Variants in ZNF208 observed in about 807,000 individuals in gnomAD.
ZNF208 encodes zinc finger protein 95.
Under a neutral mutation model 12.1 loss-of-function variants are expected in ZNF208, and 10 were observed. The observed-to-expected ratio is 0.83, with a 90% CI of 0.51 to 1.40. The LOEUF (loss-of-function observed/expected upper bound fraction) is 1.40, where lower values mean the gene tolerates loss of function less well. Among genes scored for constraint, ZNF208 ranks in the 40% most tolerant of loss-of-function variants. ZNF208 has a pLI of 0.00. For synonymous variants in ZNF208, 497 were observed against 488.4 expected (o/e 1.02, Z -0.23); for missense variants, 1,652 against 1,485.0 (o/e 1.11, Z -1.85).
rs1327391460 is a variant in ZNF208 at position 21,967,990 on chromosome 19, G to A, written c.*3201C>T. 6.6e-6 allele frequency: 1 copy of A among 151,922 alleles called. No individual in the cohort carries two copies. Among genetic ancestry groups the A allele is most frequent in the African/African-American group, 2.4e-5 (1 of 41,382 alleles). 9.4% of individuals were successfully genotyped at this position (151,922 alleles called of 1,614,324 possible). ...AATGTATTTCTAGGTATTTTTTTGT[G>A]TGTTTGTTGCTATTGTAAATAGAGC... On this transcript the variant is annotated 3_prime_UTR_variant, in exon 4 of 4. Transcript: ENST00000397126.
At chr19:21,981,261 G>T (rs1392011543) in intron 3 of ZNF208, among the ~76,000 whole-genome samples, 1 of 151,992 alleles carries the variant, frequency 6.6e-6, no homozygotes, top group Non-Finnish European at 1.5e-5. Flanking sequence ...AACAAAAAAA[G>T]AAAATTTCAG....
rs1055552612 is a variant in ZNF208 at position 21,968,830 on chromosome 19, A to T, written c.*2361T>A. On this transcript the variant is annotated 3_prime_UTR_variant, in exon 4 of 4. Transcript: ENST00000397126. ...TGATCCAGGGCTTTTTATGGTTAGTAGGTTTATTATTACTTATACAATGTC... is the reference window on the plus strand; with the variant it reads ...TGATCCAGGGCTTTTTATGGTTAGTTGGTTTATTATTACTTATACAATGTC... Among the ~76,000 whole-genome samples, 7 of 152,054 alleles carry T rather than the reference A, an allele frequency of 4.6e-5. No individual in the cohort carries two copies. Among genetic ancestry groups the T allele is most frequent in the Admixed American group, 1.3e-4 (2 of 15,240 alleles).
chr19:21,956,898 C>T (rs1214057121), intron 4 of ZNF208, among the ~76,000 whole-genome samples: 1 of 152,200 alleles, frequency 6.6e-6, no homozygotes, highest in Admixed American at 6.5e-5. Context: ...GCAGAAATCA[C>T]CCATCATCTG....
chr19:21,962,412 C>T (rs988723233), downstream of ZNF208, among the ~76,000 whole-genome samples: 4 of 151,994 alleles, frequency 2.6e-5, no homozygotes, highest in Non-Finnish European at 5.9e-5. Context: ...TTTATTTGGT[C>T]AGCTTTTTTT....
chr19:22,010,758 C>T (rs779893827), intron 1 of ZNF208, 34 bp downstream of exon 1: 4 of 1,614,184 alleles, frequency 2.5e-6, no homozygotes, highest in Non-Finnish European at 3.4e-6. Flanking sequence ...CAGCCCGGGC[C>T]ACTCTCTCAG....
At chr19:22,002,840 A>T (rs548250772) in intron 1 of ZNF208, among the ~76,000 whole-genome samples, 1 of 152,256 alleles carries the variant, frequency 6.6e-6, no homozygotes, top group Non-Finnish European at 1.5e-5. Flanking sequence ...AACTAAAAGA[A>T]CAAACTATTT....
chr19:21,987,597 A>T (rs1202958721), intron 2 of ZNF208, among the ~76,000 whole-genome samples: 1 of 152,148 alleles, frequency 6.6e-6, no homozygotes, highest in African/African-American at 2.4e-5. Flanking sequence ...TTACTTATAA[A>T]CACTGTGCTC....
chr19:21,994,470 G>A (rs968014222), intron 1 of ZNF208, among the ~76,000 whole-genome samples: 9 of 152,272 alleles, frequency 5.9e-5, no homozygotes, highest in Non-Finnish European at 8.8e-5. Flanking sequence ...CCAAAAAAGG[G>A]TGAATATGAA....
Position 21,966,937 on chromosome 19 carries a change from T to C in ZNF208, c.*4254A>G, listed in dbSNP as rs1970181580. On this transcript the variant is annotated 3_prime_UTR_variant, in exon 4 of 4. Coordinates refer to ENST00000397126, the MANE Select transcript of ZNF208 (RefSeq NM_007153.3). ...CTGGCTATTCATATCATGTTTGCTTTTTTATTAAATGTATTATAGATTCTG... is the reference window on the plus strand; with the variant it reads ...CTGGCTATTCATATCATGTTTGCTTCTTTATTAAATGTATTATAGATTCTG... 1 of 152,172 alleles carries C rather than the reference T, an allele frequency of 6.6e-6. No homozygotes were observed. The highest frequency in any genetic ancestry group is 1.5e-5 in the Non-Finnish European group (1 of 68,014). The allele number at this position is 152,172 out of a possible 1,614,324, so 9.4% of individuals were successfully genotyped here.
intron 1 of ZNF208, among the ~76,000 whole-genome samples, chr19:21,989,448 T>C (rs1467002032): frequency 2.0e-5 from 3 of 152,082 alleles, no homozygotes; most frequent in Non-Finnish European, 2.9e-5. Context: ...TTCCATGGTA[T>C]ATATGTGCCA....
intron 1 of ZNF208, among the ~76,000 whole-genome samples, chr19:22,001,823 G>T (rs1970952775): frequency 7.0e-6 from 1 of 142,646 alleles, no homozygotes; most frequent in Admixed American, 7.3e-5. Context: ...AACCTGGGAG[G>T]CAGAGGTTGC....
rs193106175 is a variant in ZNF208, at chr19:21,983,663, T to C, written c.226+3553A>G. Among the ~76,000 whole-genome samples, 26 of 152,114 alleles carry C rather than the reference T, an allele frequency of 1.7e-4. No individual in the cohort carries two copies. The East Asian group carries it at 3.1e-3, about 18-fold the overall frequency. On this transcript the variant is annotated intron_variant, in intron 3 of 3. Transcript: ENST00000397126. ...GTGGCACATATATACCATGGAATAC[T>C]AGGCAGCCATAAAAAAAAATGAGTT...
At position 21,995,548 on chromosome 19, in the gene ZNF208, T is replaced by C. The variant is rs948953442; in HGVS notation, c.4-6639A>G. On this transcript the variant is annotated intron_variant, in intron 1 of 3. Coordinates refer to ENST00000397126, the MANE Select transcript of ZNF208 (RefSeq NM_007153.3). ...ATTGTTAGACGGTTCCCTGTGAACC[T>C]GGGCTGATGGTCCAATGATAAGACA... is the stretch of plus-strand genomic sequence containing the variant. Among the ~76,000 whole-genome samples the C allele has an allele frequency of 4.0e-4, 61 of 152,204 alleles. 1 individual carries two copies. The highest frequency in any genetic ancestry group is 1.5e-3 in the African/African-American group (61 of 41,450).
chr19:21,944,318 G>A (rs938535824), intron 4 of ZNF208, among the ~76,000 whole-genome samples: 1 of 152,034 alleles, frequency 6.6e-6, no homozygotes, highest in Non-Finnish European at 1.5e-5. Context: ...AAACAACAGT[G>A]GATTTAAAAT....
At chr19:21,986,747 A>G (rs12980606) in intron 3 of ZNF208, 110,964 of 303,140 alleles carry the variant, frequency 0.37, 22,301 homozygotes, top group East Asian at 0.42. Flanking sequence ...ATTTCAAACT[A>G]TATTTCAAGA....
In ZNF208 at chr19:21,972,994, A is replaced by G. The variant is rs759557056; in HGVS notation, c.2040T>C (p.Leu680=). 6.2e-7 allele frequency: 1 copy of G among 1,613,430 alleles called. No homozygotes were observed. The highest frequency in any genetic ancestry group is 8.5e-7 in the Non-Finnish European group (1 of 1,179,842). The part of the protein sequence containing the change: ...CGKAFSKFSI[L]TKHKVIHTGE... ...CAGTATGAATTACCTTATGTTTAGT[A>G]AGGATTGAGAACTTACTAAAGGCTT... Residue 680 remains leucine, a synonymous_variant, in exon 4 of 4, where the codon CTT becomes CTC. Coordinates refer to ENST00000397126, the MANE Select transcript of ZNF208 (RefSeq NM_007153.3).
intron 1 of ZNF208, among the ~76,000 whole-genome samples, chr19:22,005,511 A>ACAG (rs1483891334): frequency 6.6e-6 from 1 of 152,102 alleles, no homozygotes; most frequent in African/African-American, 2.4e-5. Context: ...CAATTCTCCA[A>ACAG]CAGCAACTCA....
Position 21,966,941 on chromosome 19 carries a change from A to C in ZNF208, c.*4250T>G, listed in dbSNP as rs1009080664. On this transcript the variant is annotated 3_prime_UTR_variant, in exon 4 of 4. Transcript: ENST00000397126. ...CTATTCATATCATGTTTGCTTTTTT[A>C]TTAAATGTATTATAGATTCTGTACA... 6.6e-6 allele frequency: 1 copy of C among 152,206 alleles called. No individual in the cohort carries two copies. Among genetic ancestry groups the C allele is most frequent in the South Asian group, 2.1e-4 (1 of 4,832 alleles). 9.4% of individuals were successfully genotyped at this position (152,206 alleles called of 1,614,324 possible).
At position 22,010,910 on chromosome 19, in the gene ZNF208, G is replaced by T. The variant is rs1281429206; in HGVS notation, c.-116C>A. The stretch of plus-strand genomic sequence containing the variant: ...AGAGGACACACAGCAGTAAGGACGA[G>T]ACCTTGACCTCCGGCTGCAGCGAGA... On this transcript the variant is annotated 5_prime_UTR_variant, in exon 1 of 4. Transcript: ENST00000397126. 30 of 1,464,736 alleles carry T rather than the reference G, an allele frequency of 2.0e-5. No homozygotes were observed. Among genetic ancestry groups the T allele is most frequent in the Non-Finnish European group, 2.5e-5 (26 of 1,050,170 alleles). 90.7% of individuals were successfully genotyped at this position (1,464,736 alleles called of 1,614,324 possible).
Sources: gnomAD v4.1 joint callset for allele counts (sites outside exome capture counted in the v4.1 genomes callset) on GRCh38, gnomAD v4.1.1 for gene constraint, MANE v1.5 for transcripts, NCBI Gene and HGNC (gene_info 2026-07-23, HGNC 2026-07-21) for gene names.